Variants in SPHK2 observed in about 807,000 individuals in gnomAD.
SPHK2 encodes sphingosine kinase 2.
SPHK2 carries 18 observed loss-of-function variants against 32.3 expected under a neutral mutation model. The ratio of observed to expected loss-of-function variants is 0.56; its 90% confidence interval spans 0.39 to 0.83. SPHK2 has a LOEUF of 0.83. SPHK2 is among the 40% of genes least tolerant of loss of function. The pLI is 0.00. For missense variants in SPHK2, 850 were observed against 908.7 expected (o/e 0.94, Z 0.83); for synonymous variants, 462 against 417.6 (o/e 1.11, Z -1.30).
Position 48,628,133 on chromosome 19 carries a change from A to G in SPHK2, c.757-29A>G. ...GGGGACTATAGAGACTGCCACCAGG[A>G]CCCAGGCTTCTGGTCTCCCACCCTC... On this transcript the variant is annotated intron_variant, in intron 5 of 6. Transcript: ENST00000245222. This position sits in a 1 kb window ranked among gnomAD's most constrained non-coding sequence, Gnocchi z 5.2. 1 of 1,601,296 alleles carries G rather than the reference A, an allele frequency of 6.2e-7. No individual in the cohort carries two copies. Among genetic ancestry groups the G allele is most frequent in the South Asian group, 1.1e-5 (1 of 90,100 alleles).
intron 3 of SPHK2, 106 bp downstream of exon 3, chr19:48,626,468 A>C: frequency 3.0e-6 from 4 of 1,351,738 alleles, no homozygotes; most frequent in Non-Finnish European, 3.9e-6. Flanking sequence ...TGGGTGATGT[A>C]TCTCTCTGGA....
At chr19:48,626,525 G>C (rs185504213) in intron 3 of SPHK2, 163 bp downstream of exon 3, 1 of 941,278 alleles carries the variant, frequency 1.1e-6, no homozygotes, top group East Asian at 3.1e-5. Flanking sequence ...GGAACAAAAA[G>C]ACAAGAGGAC....
In SPHK2 at chr19:48,627,790, G is replaced by A. The variant is rs1273585591; in HGVS notation, c.610G>A (p.Val204Met). The change falls in exon 4 of 7, where the codon GTG (valine) becomes ATG (methionine). Residue 204 changes from valine (V) to methionine (M), a missense_variant. Physicochemically the swap from Val to Met is conservative, Grantham distance 21. This residue lies in a region of SPHK2 where 544 missense variants were observed against 640.0 expected (regional missense o/e 0.85). Transcript: ENST00000245222. ...GLAWQWCKNH[V>M]LPMISEAGLS... ...GGCCTGGCAGTGGTGTAAGAACCAC[G>A]TGCTTCCCATGATCTCTGAAGCTGG... 1.4e-5 allele frequency: 22 copies of A among 1,613,872 alleles called. No homozygotes were observed. The highest frequency in any genetic ancestry group is 2.7e-5 in the African/African-American group (2 of 74,918).
chr19:48,629,717 C>G lies in SPHK2; in HGVS notation c.1909C>G (p.Pro637Ala), dbSNP rs769131542. ...EYGPLQAQMH[P>A]GIGTLLTGPP... ...TGGGCCGCTACAGGCACAGATGCAC[C>G]CTGGCATCGGTACACTGCTCACTGG... Residue 637 changes from proline to alanine, a missense_variant, in exon 7 of 7, where the codon CCT (proline) becomes GCT (alanine). Physicochemically the swap from Pro to Ala is conservative, Grantham distance 27 (BLOSUM62 -1). This residue lies in a region of SPHK2 where 306 missense variants were observed against 268.6 expected (regional missense o/e 1.14). Coordinates refer to ENST00000245222, the MANE Select transcript of SPHK2 (RefSeq NM_020126.5). 6 of 1,609,002 alleles carry G rather than the reference C, an allele frequency of 3.7e-6. No individual in the cohort carries two copies. In the South Asian group the frequency reaches 4.4e-5, roughly 12 times the overall value.
intron 3 of SPHK2, 53 bp from the exon 4 acceptor site, chr19:48,627,639 A>G (rs2030030271): frequency 1.3e-6 from 2 of 1,516,834 alleles, no homozygotes. Context: ...GACTGTTTCC[A>G]AGGTGGGGGG....
intron 2 of SPHK2, chr19:48,620,902 CAGAGTG>C (rs1483007303): frequency 1.8e-3 from 331 of 179,794 alleles, no homozygotes; most frequent in South Asian, 5.2e-3. Flanking sequence ...GCCTGGGTGA[CAGAGTG>C]AGACTCCGTC....
Position 48,625,976 on chromosome 19 carries a change from C to A in SPHK2, c.125C>A (p.Pro42Gln), listed in dbSNP as rs761395432. The A allele has an allele frequency of 6.2e-7, 1 of 1,612,966 alleles. No homozygotes were observed. The highest frequency in any genetic ancestry group is 1.7e-5 in the Admixed American group (1 of 59,996). ...VRAKAMAPPPPPLAASTPLLH... is the reference protein window; with the variant it reads ...VRAKAMAPPPQPLAASTPLLH... ...GCTAAGGCCATGGCCCCGCCCCCAC[C>A]GCCACTGGCTGCCAGCACCCCGCTC... The change falls in exon 3 of 7, where the codon CCG (proline) becomes CAG (glutamine). Residue 42 changes from proline to glutamine, a missense_variant. Around this residue, in one of 2 missense-constraint regions of SPHK2, gnomAD observed 544 missense variants for 640.0 expected, o/e 0.85. Coordinates refer to ENST00000245222, the MANE Select transcript of SPHK2 (RefSeq NM_020126.5).
At chr19:48,624,780 CA>C (rs1974538909) in intron 2 of SPHK2, 1 of 402,020 alleles carries the variant, frequency 2.5e-6, no homozygotes, top group Admixed American at 6.6e-5. Flanking sequence ...GGGGCCAGGG[CA>C]GGTTTGGGGG....
chr19:48,628,430 G>A lies in SPHK2; in HGVS notation c.872+153G>A, dbSNP rs753473201. ...AGCTCCTGGACATTTTTGCCTGCCTGCTTCCCAGCTGTATCCCGAGCGCCC... is the reference window on the plus strand; with the variant it reads ...AGCTCCTGGACATTTTTGCCTGCCTACTTCCCAGCTGTATCCCGAGCGCCC... On this transcript the variant is annotated intron_variant, in intron 6 of 6. Coordinates refer to ENST00000245222, the MANE Select transcript of SPHK2 (RefSeq NM_020126.5). This position sits in a 1 kb window ranked among gnomAD's most constrained non-coding sequence, Gnocchi z 5.2. The A allele has an allele frequency of 1.1e-6, 1 of 930,150 alleles. No homozygotes were observed. Among genetic ancestry groups the A allele is most frequent in the Non-Finnish European group, 1.8e-6 (1 of 569,644 alleles). 57.6% of individuals were successfully genotyped at this position (930,150 alleles called of 1,614,324 possible). A position where few individuals can be genotyped will look rare whatever the true frequency, so the allele number is the denominator to read the frequency against.
In SPHK2 at chr19:48,628,323, T is replaced by TCCCTATCACCCCAG; in HGVS notation, c.872+46_872+47insCCCTATCACCCCAG. On this transcript the variant is annotated intron_variant, in intron 6 of 6. Coordinates refer to ENST00000245222, the MANE Select transcript of SPHK2 (RefSeq NM_020126.5). The surrounding 1 kb of genome is among the most constrained non-coding windows in gnomAD (Gnocchi z 5.2). The stretch of plus-strand genomic sequence containing the variant: ...AGGGAGGGATGAGCCCCTCCTGGGG[T>TCCCTATCACCCCAG]GATAGGGACCCCTATATCTCCCACT... 6.5e-7 allele frequency: 1 copy of TCCCTATCACCCCAG among 1,545,696 alleles called. No individual in the cohort carries two copies. Among genetic ancestry groups the TCCCTATCACCCCAG allele is most frequent in the Non-Finnish European group, 8.9e-7 (1 of 1,122,334 alleles).
At position 48,628,448 on chromosome 19, in the gene SPHK2, G is replaced by A. The variant is rs368294143; in HGVS notation, c.872+171G>A. On this transcript the variant is annotated intron_variant, in intron 6 of 6. Coordinates refer to ENST00000245222, the MANE Select transcript of SPHK2 (RefSeq NM_020126.5). The surrounding 1 kb of genome is among the most constrained non-coding windows in gnomAD (Gnocchi z 5.2). ...CCTGCCTGCTTCCCAGCTGTATCCC[G>A]AGCGCCCAGAACTCTGCCTGGCATG... 3.8e-5 allele frequency: 34 copies of A among 900,418 alleles called. No individual in the cohort carries two copies. Among genetic ancestry groups the A allele is most frequent in the Middle Eastern group, 4.2e-4 (2 of 4,722 alleles). The allele number at this position is 900,418 out of a possible 1,614,324, so 55.8% of individuals were successfully genotyped here.
rs1350897056 is a variant in SPHK2 at position 48,630,294 on chromosome 19, TG to T, written c.*526del. The T allele has an allele frequency of 2.3e-6, 3 of 1,280,806 alleles. No individual in the cohort carries two copies. The African/African-American group carries it at 4.6e-5, about 20-fold the overall frequency. 79.3% of individuals were successfully genotyped at this position (1,280,806 alleles called of 1,614,324 possible). ...GCACTAATGTTCCTCTCCCCGCGGG[TG>T]GGGGCGGGGAAATTCATATCCCCTG... On this transcript the variant is annotated 3_prime_UTR_variant, in exon 7 of 7. Transcript: ENST00000245222. The surrounding 1 kb of genome is among the most constrained non-coding windows in gnomAD (Gnocchi z 4.9).
chr19:48,627,643 T>C (rs2030030849), intron 3 of SPHK2, 49 bp from the exon 4 acceptor site: 2 of 1,519,244 alleles, frequency 1.3e-6, no homozygotes, highest in East Asian at 2.3e-5. Context: ...GTTTCCAAGG[T>C]GGGGGGCCTG....
Position 48,625,877 on chromosome 19 carries a change from C to A in SPHK2, c.40-14C>A. ...GTCCTGAATTCTCACCCCTTCTCTCCTCCCTTCCCACAGAGGCCAGACCAG... is the reference window on the plus strand; with the variant it reads ...GTCCTGAATTCTCACCCCTTCTCTCATCCCTTCCCACAGAGGCCAGACCAG... On this transcript the variant is annotated splice_polypyrimidine_tract_variant and intron_variant, in intron 2 of 6. Transcript: ENST00000245222. The A allele has an allele frequency of 6.2e-7, 1 of 1,610,002 alleles. No individual in the cohort carries two copies. Among genetic ancestry groups the A allele is most frequent in the East Asian group, 2.2e-5 (1 of 44,836 alleles).
At chr19:48,620,260 G>C in intron 1 of SPHK2, 142 bp from the exon 2 acceptor site, 1 of 489,704 alleles carries the variant, frequency 2.0e-6, no homozygotes, top group Non-Finnish European at 3.6e-6. Flanking sequence ...GACTGGCTGG[G>C]GCAGTGATTA....
Position 48,627,703 on chromosome 19 carries a change from G to A in SPHK2, c.523G>A (p.Asp175Asn), listed in dbSNP as rs1371269789. 1.9e-6 allele frequency: 3 copies of A among 1,600,176 alleles called. No individual in the cohort carries two copies. In the African/African-American group the frequency reaches 4.0e-5, roughly 21 times the overall value. Reference protein sequence around the residue: ...PLPGDGEITPDLLPRPPRLLL... With the variant: ...PLPGDGEITPNLLPRPPRLLL... ...ACCTCTCTCCACAGAGATCACCCCT[G>A]ACCTGCTACCTCGGCCGCCCCGGTT... The change falls in exon 4 of 7, where the codon GAC becomes AAC. Residue 175 changes from aspartate (D) to asparagine (N), a missense_variant. This residue lies in a region of SPHK2 where 544 missense variants were observed against 640.0 expected (regional missense o/e 0.85). Transcript: ENST00000245222.
chr19:48,620,811 C>T, intron 2 of SPHK2: 1 of 360,608 alleles, frequency 2.8e-6, no homozygotes, highest in Non-Finnish European at 5.1e-6. Context: ...GTAATCCCAG[C>T]TACTCGGGAG....
Position 48,628,367 on chromosome 19 carries a change from G to A in SPHK2, c.872+90G>A, listed in dbSNP as rs1349342709. 7.8e-7 allele frequency: 1 copy of A among 1,281,230 alleles called. No homozygotes were observed. Among genetic ancestry groups the A allele is most frequent in the African/African-American group, 1.5e-5 (1 of 68,568 alleles). 79.4% of individuals were successfully genotyped at this position (1,281,230 alleles called of 1,614,324 possible). A position where few individuals can be genotyped will look rare whatever the true frequency, so the allele number is the denominator to read the frequency against. On this transcript the variant is annotated intron_variant, in intron 6 of 6. Transcript: ENST00000245222. This position sits in a 1 kb window ranked among gnomAD's most constrained non-coding sequence, Gnocchi z 5.2. ...TCCCACTCAGCCAAACCCACAGTCA[G>A]TCAAGTAAATCAGCCTGCCTGTGGG... is the stretch of plus-strand genomic sequence containing the variant.
chr19:48,621,788 A>C (rs2050115245), intron 2 of SPHK2, among the ~76,000 whole-genome samples: 2 of 152,206 alleles, frequency 1.3e-5, no homozygotes, highest in African/African-American at 2.4e-5. Flanking sequence ...TGAGACATGC[A>C]TTACATTATT....
Sources: gnomAD v4.1 joint callset for allele counts (sites outside exome capture counted in the v4.1 genomes callset) on GRCh38, gnomAD v4.1.1 for gene constraint, gnomAD v4.1.1 regional missense constraint, Gnocchi (gnomAD v3.1) non-coding constraint, MANE v1.5 for transcripts, NCBI Gene and HGNC (gene_info 2026-07-23, HGNC 2026-07-21) for gene names.